The following SLC16A10 variants were observed in gnomAD, a reference collection of about 807,000 sequenced individuals.
SLC16A10 encodes the protein solute carrier family 16 member 10.
A neutral mutation model predicts 40.0 loss-of-function variants in SLC16A10; 27 were observed. The ratio of observed to expected loss-of-function variants is 0.67; its 90% CI spans 0.50 to 0.93. The LOEUF (loss-of-function observed/expected upper bound fraction) is 0.93, where lower values mean the gene tolerates loss of function less well. Among genes scored for constraint, SLC16A10 ranks in the 40% least tolerant of loss-of-function variants. The pLI is 0.00. For missense variants in SLC16A10, 529 were observed against 658.2 expected, an observed-to-expected ratio of 0.80 and a Z score of 2.15; for synonymous variants, 213 against 249.8, an observed-to-expected ratio of 0.85 and a Z score of 1.39.
At chr6:111,145,654 G>T (rs1276477799) in intron 1 of SLC16A10, among the ~76,000 whole-genome samples, 1 of 152,130 alleles carries the variant, frequency 6.6e-6, no homozygotes, top group Non-Finnish European at 1.5e-5. Flanking sequence ...TTCAAGACCA[G>T]CCTGGGCAAC....
rs554609551 is a variant in SLC16A10, at chr6:111,177,223, C to T, written c.500C>T (p.Pro167Leu). The T allele has an allele frequency of 1.9e-6, 3 of 1,540,840 alleles. No homozygotes were observed. The highest frequency in any genetic ancestry group is 2.8e-5 in the African/African-American group (2 of 72,250). ...MSSSFVSSIE[P>L]LYLTYGIIFA... ...TCATCTTTATACAGTTCCATCGAGC[C>T]TCTGTACCTTACCTATGGAATCATA... Residue 167 changes from proline (P) to leucine (L), a missense_variant, in exon 3 of 6, where the codon CCT becomes CTT. Transcript: ENST00000368851.
intron 3 of SLC16A10, among the ~76,000 whole-genome samples, chr6:111,184,255 G>T (rs901371184): frequency 7.2e-5 from 11 of 152,262 alleles, no homozygotes; most frequent in African/African-American, 2.6e-4. Context: ...TCAAGAAGAT[G>T]ACTGACTCAT....
intron 1 of SLC16A10, among the ~76,000 whole-genome samples, chr6:111,155,482 A>G (rs783085): frequency 0.82 from 124,563 of 152,000 alleles, 51,206 homozygotes; most frequent in Non-Finnish European, 0.86. Context: ...TTACAGACGT[A>G]AGCCACCACG....
Position 111,224,319 on chromosome 6 carries a change from A to G in SLC16A10, c.*2084A>G, listed in dbSNP as rs1247264193. ...CTCCCCTCAAAACACCTTCTCCCCAATTTTACAGAAAGTAATTTAAAAATG... is the reference window on the plus strand; with the variant it reads ...CTCCCCTCAAAACACCTTCTCCCCAGTTTTACAGAAAGTAATTTAAAAATG... On this transcript the variant is annotated 3_prime_UTR_variant, in exon 6 of 6. Coordinates refer to ENST00000368851, the MANE Select transcript of SLC16A10 (RefSeq NM_018593.5). The G allele has an allele frequency of 2.0e-5, 3 of 152,182 alleles. No individual in the cohort carries two copies. Among genetic ancestry groups the G allele is most frequent in the East Asian group, 1.9e-4 (1 of 5,200 alleles). The allele number at this position is 152,182 out of a possible 1,614,324, so 9.4% of individuals were successfully genotyped here.
intron 1 of SLC16A10, among the ~76,000 whole-genome samples, chr6:111,144,365 G>A (rs1308689732): frequency 2.0e-5 from 3 of 151,968 alleles, no homozygotes; most frequent in South Asian, 4.1e-4. Context: ...TGCTATGCCC[G>A]GCTAATTTTT....
chr6:111,091,509 C>G (rs576256487), intron 1 of SLC16A10, among the ~76,000 whole-genome samples: 1 of 152,332 alleles, frequency 6.6e-6, no homozygotes, highest in South Asian at 2.1e-4. Flanking sequence ...GGTGAATAAA[C>G]AATTGCAAAT....
chr6:111,200,976 A>C (rs936205502), intron 3 of SLC16A10, among the ~76,000 whole-genome samples: 8 of 152,244 alleles, frequency 5.3e-5, no homozygotes, highest in African/African-American at 1.7e-4. Flanking sequence ...GGAAAGCAGG[A>C]AGTTGAAAGA....
intron 1 of SLC16A10, among the ~76,000 whole-genome samples, chr6:111,108,706 G>A (rs1464974249): frequency 2.0e-5 from 3 of 152,156 alleles, no homozygotes; most frequent in African/African-American, 7.2e-5. Context: ...TTTGAAATTT[G>A]AGGTTTCCAT....
chr6:111,115,667 A>G (rs935502536), intron 1 of SLC16A10, among the ~76,000 whole-genome samples: 17 of 152,332 alleles, frequency 1.1e-4, no homozygotes, highest in Non-Finnish European at 1.0e-4. Context: ...GGCATGTGGT[A>G]TCTAGAAAGG....
At chr6:111,136,517 T>C (rs1181592922) in intron 1 of SLC16A10, among the ~76,000 whole-genome samples, 1 of 152,226 alleles carries the variant, frequency 6.6e-6, no homozygotes, top group East Asian at 1.9e-4. Context: ...TTTGCTTAAA[T>C]ATCAGGCTCT....
In SLC16A10 at chr6:111,206,840, C is replaced by G. The variant is rs1422686946; in HGVS notation, c.1086+105C>G. Reference sequence around the variant, plus strand: ...AATTCTTTTTTTTTCTTTCCTTTTTCTTTTTGAGATGGAGTTTCGCTCTTA... The same window carrying G: ...AATTCTTTTTTTTTCTTTCCTTTTTGTTTTTGAGATGGAGTTTCGCTCTTA... On this transcript the variant is annotated intron_variant, in intron 4 of 5. Coordinates refer to ENST00000368851, the MANE Select transcript of SLC16A10 (RefSeq NM_018593.5). 14 of 1,399,518 alleles carry G rather than the reference C, an allele frequency of 1.0e-5. No homozygotes were observed. In the South Asian group the frequency reaches 1.3e-4, roughly 13 times the overall value. The allele number at this position is 1,399,518 out of a possible 1,614,324, so 86.7% of individuals were successfully genotyped here. A position where few individuals can be genotyped will look rare whatever the true frequency, so the allele number is the denominator to read the frequency against.
At chr6:111,092,915 C>A (rs1038915530) in intron 1 of SLC16A10, among the ~76,000 whole-genome samples, 1 of 151,592 alleles carries the variant, frequency 6.6e-6, no homozygotes, top group Non-Finnish European at 1.5e-5. Context: ...GTGGCGGATG[C>A]GTGTAATCCC....
chr6:111,112,925 A>G (rs1429054336), intron 1 of SLC16A10, among the ~76,000 whole-genome samples: 1 of 152,202 alleles, frequency 6.6e-6, no homozygotes, highest in Non-Finnish European at 1.5e-5. Flanking sequence ...TCAGCAGGTA[A>G]CAGGAACTTT....
chr6:111,109,990 T>C (rs1196865566), intron 1 of SLC16A10, among the ~76,000 whole-genome samples: 1 of 152,144 alleles, frequency 6.6e-6, no homozygotes, highest in Non-Finnish European at 1.5e-5. Context: ...AAATTGTGGC[T>C]GAACAAGGAG....
intron 1 of SLC16A10, among the ~76,000 whole-genome samples, chr6:111,149,670 T>C (rs1772139515): frequency 6.6e-6 from 1 of 152,236 alleles, no homozygotes; most frequent in Admixed American, 6.5e-5. Flanking sequence ...ATCAACTGCT[T>C]TCAGCTCTTT....
intron 1 of SLC16A10, among the ~76,000 whole-genome samples, chr6:111,091,564 A>G (rs1770975551): frequency 6.6e-6 from 1 of 152,200 alleles, no homozygotes; most frequent in African/African-American, 2.4e-5. Context: ...AGAGACTTCC[A>G]TAGAAGAACA....
At chr6:111,161,268 A>G (rs1369120359) in intron 1 of SLC16A10, among the ~76,000 whole-genome samples, 1 of 150,964 alleles carries the variant, frequency 6.6e-6, no homozygotes, top group African/African-American at 2.4e-5. Flanking sequence ...TATGTGTAAA[A>G]TAGGTGGAGG....
rs201099566 is a variant in SLC16A10, at chr6:111,088,141, G to A, written c.343+46G>A. 1.0e-3 allele frequency: 1,569 copies of A among 1,567,388 alleles called. 2 individuals are homozygous for A. The highest frequency in any genetic ancestry group is 1.3e-3 in the Non-Finnish European group (1,491 of 1,155,982). ...AGGCCAGCCTGGGCGACCCGCGTGGGGCCCCCGAGCGCATCCCGCGTGTGG... is the reference window on the plus strand; with the variant it reads ...AGGCCAGCCTGGGCGACCCGCGTGGAGCCCCCGAGCGCATCCCGCGTGTGG... On this transcript the variant is annotated intron_variant, in intron 1 of 5. Coordinates refer to ENST00000368851, the MANE Select transcript of SLC16A10 (RefSeq NM_018593.5).
intron 1 of SLC16A10, among the ~76,000 whole-genome samples, chr6:111,159,758 C>T (rs191117811): frequency 1.3e-3 from 199 of 152,254 alleles, no homozygotes; most frequent in Admixed American, 1.2e-3. Flanking sequence ...ATTTTATATT[C>T]CCAGTAGCAG....
Sources: gnomAD v4.1 joint callset for allele counts (sites outside exome capture counted in the v4.1 genomes callset) on GRCh38, gnomAD v4.1.1 for gene constraint, MANE v1.5 for transcripts, NCBI Gene and HGNC (gene_info 2026-07-23, HGNC 2026-07-21) for gene names.